The following ME3 variants were observed in gnomAD, a reference collection of about 807,000 sequenced individuals.
The protein encoded by ME3 is NADP-dependent malic enzyme, mitochondrial.
A neutral mutation model predicts 68.9 loss-of-function variants in ME3; 48 were observed. The ratio of observed to expected loss-of-function variants is 0.70; its 90% CI spans 0.55 to 0.89. ME3 has a LOEUF of 0.89. Ranked by LOEUF, ME3 falls within the 40% of genes least tolerant of loss-of-function variation. ME3 has a pLI of 0.00. For missense variants in ME3, 675 were observed against 797.4 expected, an observed-to-expected ratio of 0.85 and a Z score of 1.85; for synonymous variants, 320 against 318.8, an observed-to-expected ratio of 1.00 and a Z score of -0.04.
At chr11:86,451,673 A>G (rs1484456648) in intron 8 of ME3, among the ~76,000 whole-genome samples, 1 of 152,236 alleles carries the variant, frequency 6.6e-6, no homozygotes, top group Non-Finnish European at 1.5e-5. Context: ...ATGGACAGGA[A>G]AGAAATCTGT....
chr11:86,634,896 G>T (rs778267741), intron 2 of ME3, among the ~76,000 whole-genome samples: 1 of 151,396 alleles, frequency 6.6e-6, no homozygotes, highest in Non-Finnish European at 1.5e-5. Context: ...TAATTGACTT[G>T]TAATCGTGAG....
intron 2 of ME3, among the ~76,000 whole-genome samples, chr11:86,594,776 A>T (rs1959192651): frequency 6.8e-6 from 1 of 147,012 alleles, no homozygotes; most frequent in African/African-American, 2.5e-5. Context: ...TGCAGTGAGA[A>T]AATAATCCCA....
At chr11:86,618,299 C>CAAAAAAAAAAAAAAA (rs55824426) in intron 2 of ME3, among the ~76,000 whole-genome samples, 29 of 55,944 alleles carry the variant, frequency 5.2e-4, no homozygotes, top group African/African-American at 6.4e-4. Flanking sequence ...GGCTCTGTCT[C>CAAAAAAAAAAAAAAA]AAAAAAAAAA....
intron 5 of ME3, among the ~76,000 whole-genome samples, chr11:86,502,207 C>T (rs1952770617): frequency 6.6e-6 from 1 of 152,222 alleles, no homozygotes; most frequent in Non-Finnish European, 1.5e-5. Context: ...TCTTACCACC[C>T]TTGCATGTTT....
chr11:86,512,168 T>C (rs1219884892), intron 4 of ME3, among the ~76,000 whole-genome samples: 3 of 152,228 alleles, frequency 2.0e-5, no homozygotes, highest in Non-Finnish European at 2.9e-5. Context: ...GAAGAACCCA[T>C]TGGGCAATTA....
At chr11:86,460,143 A>T (rs1406783550) in intron 8 of ME3, among the ~76,000 whole-genome samples, 1 of 152,156 alleles carries the variant, frequency 6.6e-6, no homozygotes, top group Non-Finnish European at 1.5e-5. Context: ...AACAAAAGTC[A>T]CCTGAGCCTC....
intron 2 of ME3, among the ~76,000 whole-genome samples, chr11:86,661,427 T>A (rs1310163894): frequency 1.3e-5 from 2 of 152,190 alleles, no homozygotes; most frequent in Non-Finnish European, 2.9e-5. Flanking sequence ...CATGTCAAAG[T>A]ACTGGAGAGA....
chr11:86,487,671 T>C (rs1951777871), intron 6 of ME3, among the ~76,000 whole-genome samples: 2 of 152,202 alleles, frequency 1.3e-5, no homozygotes, highest in Non-Finnish European at 2.9e-5. Context: ...CCAAGGATGC[T>C]TTGAACCAGG....
At chr11:86,602,482 A>G (rs963208495) in intron 2 of ME3, among the ~76,000 whole-genome samples, 2 of 152,198 alleles carry the variant, frequency 1.3e-5, no homozygotes, top group African/African-American at 2.4e-5. Flanking sequence ...AGAACATTCT[A>G]TGCTCATGGG....
chr11:86,561,208 G>T (rs966182122), intron 2 of ME3, among the ~76,000 whole-genome samples: 1 of 151,944 alleles, frequency 6.6e-6, no homozygotes, highest in African/African-American at 2.4e-5. Flanking sequence ...TGGGTTGGTT[G>T]TTTTTTTGTT....
chr11:86,660,457 C>T (rs12419781), intron 2 of ME3, among the ~76,000 whole-genome samples: 27 of 152,330 alleles, frequency 1.8e-4, no homozygotes, highest in Admixed American at 1.8e-3. Flanking sequence ...ATTATAGCAA[C>T]TTGTCAAGTA....
At position 86,670,156 on chromosome 11, in the gene ME3, T is replaced by C. The variant is rs1938937; in HGVS notation, c.183+1606A>G. ...GAAGAGAGAATCTAATCAGAGTCAA[T>C]AAGGCAGAAGGATTCGCTTTCTGAG... is the stretch of plus-strand genomic sequence containing the variant. On this transcript the variant is annotated intron_variant, in intron 2 of 14. Transcript: ENST00000543262. Among the ~76,000 whole-genome samples the C allele has an allele frequency of 6.4e-3, 980 of 152,322 alleles. 16 individuals carry two copies. Among genetic ancestry groups the C allele is most frequent in the African/African-American group, 0.023 (943 of 41,570 alleles).
intron 2 of ME3, among the ~76,000 whole-genome samples, chr11:86,661,772 C>T (rs1946292921): frequency 6.6e-6 from 1 of 152,138 alleles, no homozygotes; most frequent in Non-Finnish European, 1.5e-5. Flanking sequence ...ATTAGAATTG[C>T]CCCTTACTAA....
chr11:86,457,876 G>A (rs1950028824), intron 8 of ME3: 1 of 1,074,042 alleles, frequency 9.3e-7, no homozygotes, highest in East Asian at 6.1e-5. Flanking sequence ...AAAAGGACAT[G>A]CTGAAAATGT....
chr11:86,636,173 C>T (rs907537245), intron 2 of ME3, among the ~76,000 whole-genome samples: 1 of 151,766 alleles, frequency 6.6e-6, no homozygotes, highest in African/African-American at 2.4e-5. Flanking sequence ...GGGGGCAGGG[C>T]GGGGTATGTC....
chr11:86,611,156 ATGCTGCATGATC>A (rs1942543463), intron 2 of ME3, among the ~76,000 whole-genome samples: 2 of 152,178 alleles, frequency 1.3e-5, no homozygotes, highest in African/African-American at 4.8e-5. Flanking sequence ...AGAAAGACAA[ATGCTGCATGATC>A]TCAGTTACTT....
At chr11:86,494,523 C>G (rs1263993407) in intron 6 of ME3, among the ~76,000 whole-genome samples, 1 of 152,050 alleles carries the variant, frequency 6.6e-6, no homozygotes, top group Non-Finnish European at 1.5e-5. Flanking sequence ...ACCCCCGGGG[C>G]ACATAGGAGG....
At chr11:86,523,722 G>C (rs929271328) in intron 4 of ME3, among the ~76,000 whole-genome samples, 2 of 152,028 alleles carry the variant, frequency 1.3e-5, no homozygotes, top group Admixed American at 1.3e-4. Context: ...AAAATCGTGA[G>C]TACATGGAAA....
intron 2 of ME3, among the ~76,000 whole-genome samples, chr11:86,660,227 A>G (rs939738392): frequency 1.3e-5 from 2 of 152,188 alleles, no homozygotes; most frequent in Admixed American, 1.3e-4. Flanking sequence ...GCCCATGGCC[A>G]TCGAAAGTGA....
Sources: allele counts gnomAD v4.1 joint callset (sites outside exome capture counted in the v4.1 genomes callset), GRCh38; gene constraint gnomAD v4.1.1; transcripts MANE v1.5; gene names NCBI Gene and HGNC (gene_info 2026-07-23, HGNC 2026-07-21).